The following HTR4 variants were observed in gnomAD, a reference collection of about 807,000 sequenced individuals.
The protein encoded by HTR4 is 5-hydroxytryptamine (serotonin) receptor 4, G protein-coupled.
Under a neutral mutation model 36.8 loss-of-function variants are expected in HTR4, and 16 were observed. That is an observed-to-expected ratio of 0.43 (90% confidence interval 0.29 to 0.66). HTR4 has a LOEUF of 0.66. HTR4 is among the 30% of genes least tolerant of loss of function. HTR4 has a pLI of 0.13. For synonymous variants in HTR4, 189 were observed against 185.1 expected (o/e 1.02, Z -0.17); for missense variants, 438 against 490.9 (o/e 0.89, Z 1.02).
intron 5 of HTR4, among the ~76,000 whole-genome samples, chr5:148,515,425 T>G (rs1757694358): frequency 6.6e-6 from 1 of 152,210 alleles, no homozygotes; most frequent in African/African-American, 2.4e-5. Context: ...TTTCCAGTGC[T>G]CTGCACTCTG....
At chr5:148,621,220 G>C (rs758108574) in intron 2 of HTR4, among the ~76,000 whole-genome samples, 12 of 152,190 alleles carry the variant, frequency 7.9e-5, no homozygotes, top group Non-Finnish European at 1.2e-4. Flanking sequence ...AATTTACTGA[G>C]AGGGGATTCC....
intron 2 of HTR4, among the ~76,000 whole-genome samples, chr5:148,568,658 C>T (rs1561624906): frequency 1.3e-5 from 2 of 152,104 alleles, no homozygotes; most frequent in Admixed American, 6.6e-5. Context: ...CACCAAATTG[C>T]CAATCTTTTG....
chr5:148,476,770 G>A (rs7733088), downstream of HTR4: 653,402 of 1,611,204 alleles, frequency 0.41, 136,008 homozygotes, highest in Admixed American at 0.61. Flanking sequence ...CAAAAAGAAC[G>A]TAATTAATGA....
At chr5:148,457,276 A>T (rs1277697085) in intron 5 of HTR4, among the ~76,000 whole-genome samples, 1 of 152,102 alleles carries the variant, frequency 6.6e-6, no homozygotes, top group Non-Finnish European at 1.5e-5. Context: ...TTCACATCTA[A>T]TTAAAAAACA....
intron 2 of HTR4, among the ~76,000 whole-genome samples, chr5:148,600,726 G>A (rs1041971507): frequency 3.5e-4 from 53 of 151,882 alleles, no homozygotes; most frequent in African/African-American, 1.1e-3. Context: ...AATTCGAGAA[G>A]GAGAAATGGA....
intron 4 of HTR4, among the ~76,000 whole-genome samples, chr5:148,541,114 AAC>A (rs1759097522): frequency 6.6e-6 from 1 of 152,170 alleles, no homozygotes; most frequent in Non-Finnish European, 1.5e-5. Context: ...TTCTATTAAT[AAC>A]ACAATTTTTA....
chr5:148,557,342 G>A (rs527680143), intron 2 of HTR4, among the ~76,000 whole-genome samples: 3 of 149,736 alleles, frequency 2.0e-5, no homozygotes, highest in East Asian at 2.0e-4. Flanking sequence ...GAGTGAGTGG[G>A]AAGAAGCACA....
At chr5:148,469,052 C>G (rs1194323730) in intron 5 of HTR4, among the ~76,000 whole-genome samples, 30 of 152,084 alleles carry the variant, frequency 2.0e-4, no homozygotes, top group Admixed American at 1.9e-3. Context: ...TTATAAATTA[C>G]CCAGTCCTGG....
chr5:148,654,044 C>A lies in HTR4; in HGVS notation c.-48+18G>T. On this transcript the variant is annotated intron_variant, in intron 1 of 6. Coordinates refer to ENST00000377888, the MANE Select transcript of HTR4 (RefSeq NM_000870.7). Reference sequence around the variant, plus strand: ...GGGCTCCTGGGGTCCCGACCCCCGGCGCACTTGCCGCACATACCCGCTGCC... The same window carrying A: ...GGGCTCCTGGGGTCCCGACCCCCGGAGCACTTGCCGCACATACCCGCTGCC... 1 of 985,132 alleles carries A rather than the reference C, an allele frequency of 1.0e-6. No homozygotes were observed. Among genetic ancestry groups the A allele is most frequent in the Non-Finnish European group, 1.2e-6 (1 of 829,768 alleles). The allele number at this position is 985,132 out of a possible 1,614,324, so 61.0% of individuals were successfully genotyped here.
In HTR4 at chr5:148,483,128, C is replaced by T. The variant is rs1372808149; in HGVS notation, c.*75G>A. The T allele has an allele frequency of 6.2e-7, 1 of 1,603,486 alleles. No homozygotes were observed. Among genetic ancestry groups the T allele is most frequent in the Non-Finnish European group, 8.5e-7 (1 of 1,173,846 alleles). On this transcript the variant is annotated 3_prime_UTR_variant, in exon 7 of 7. Transcript: ENST00000377888. ...AGGTGAAGAGAATACCGGGTGCAGTCGCGCACAAGCAGCAGCTTAGGACCT... is the reference window on the plus strand; with the variant it reads ...AGGTGAAGAGAATACCGGGTGCAGTTGCGCACAAGCAGCAGCTTAGGACCT...
intron 6 of HTR4, among the ~76,000 whole-genome samples, chr5:148,487,734 AGAGAG>A: frequency 6.6e-6 from 1 of 152,300 alleles, no homozygotes; most frequent in Non-Finnish European, 1.5e-5. Context: ...GAGACAGTAG[AGAGAG>A]CGAGCTTAGA....
chr5:148,646,026 T>C (rs1278114895), intron 1 of HTR4: 1 of 152,282 alleles, frequency 6.6e-6, no homozygotes, highest in African/African-American at 2.4e-5. Context: ...GTATTTTGAA[T>C]CTTACAGAAT....
At chr5:148,557,055 G>A in intron 2 of HTR4, among the ~76,000 whole-genome samples, 1 of 152,160 alleles carries the variant, frequency 6.6e-6, no homozygotes, top group East Asian at 1.9e-4. Context: ...TCTGAGATGA[G>A]CTCAGACAAG....
intron 5 of HTR4, among the ~76,000 whole-genome samples, chr5:148,458,138 ATATC>A (rs1388004513): frequency 7.0e-6 from 1 of 142,034 alleles, no homozygotes; most frequent in Non-Finnish European, 1.5e-5. Flanking sequence ...ATATATTTTA[ATATC>A]TATTTAATAT....
intron 2 of HTR4, among the ~76,000 whole-genome samples, chr5:148,554,770 A>G (rs1303303013): frequency 6.6e-6 from 1 of 152,128 alleles, no homozygotes; most frequent in South Asian, 2.1e-4. Context: ...ATTGTTTGAT[A>G]GGTAGTTTCT....
chr5:148,616,569 T>C (rs1397227238), intron 2 of HTR4, among the ~76,000 whole-genome samples: 1 of 152,220 alleles, frequency 6.6e-6, no homozygotes, highest in Non-Finnish European at 1.5e-5. Flanking sequence ...TTATTGACTC[T>C]AAGAAGTCTG....
rs565732748 is a variant in HTR4 at position 148,487,875 on chromosome 5, C to T, written c.1077-4582G>A. 7.9e-5 allele frequency among the ~76,000 whole-genome samples: 12 copies of T among 152,264 alleles called. 1 individual carries two copies. The highest frequency in any genetic ancestry group is 6.2e-4 in the South Asian group (3 of 4,828). ...AAGGAATGGAAACAATAAAATAAAA[C>T]ATACATTTCAGCAAAGTGGACAAGG... On this transcript the variant is annotated intron_variant, in intron 6 of 6. Transcript: ENST00000377888.
intron 1 of HTR4, among the ~76,000 whole-genome samples, chr5:148,648,804 A>C (rs1343612727): frequency 6.6e-6 from 1 of 151,874 alleles, no homozygotes; most frequent in Non-Finnish European, 1.5e-5. Flanking sequence ...AACTAAGAGA[A>C]CAGACTCCTG....
chr5:148,533,300 A>T (rs1425076728), intron 4 of HTR4, among the ~76,000 whole-genome samples: 2 of 152,220 alleles, frequency 1.3e-5, no homozygotes, highest in Admixed American at 1.3e-4. Context: ...AAATGAAGCA[A>T]GGATATTTAC....
Sources: allele counts gnomAD v4.1 joint callset (sites outside exome capture counted in the v4.1 genomes callset), GRCh38; gene constraint gnomAD v4.1.1; transcripts MANE v1.5; gene names NCBI Gene and HGNC (gene_info 2026-07-23, HGNC 2026-07-21).